The following KCNJ4 variants were observed in gnomAD, a reference collection of about 807,000 sequenced individuals.
The protein encoded by KCNJ4 is potassium inwardly rectifying channel subfamily J member 4.
In KCNJ4, 3 loss-of-function variants were observed where a neutral mutation model predicts 25.6. The ratio of observed to expected loss-of-function variants is 0.12; its 90% CI spans 0.05 to 0.30. The LOEUF is 0.30. Among genes scored for constraint, KCNJ4 ranks in the 10% least tolerant of loss-of-function variants. The pLI is 1.00. For missense variants in KCNJ4, 286 were observed against 666.8 expected (o/e 0.43, Z 6.29); for synonymous variants, 257 against 283.9 (o/e 0.91, Z 0.95).
chr22:38,429,978 A>G (rs1244225902), intron 1 of KCNJ4, among the ~76,000 whole-genome samples: 1 of 152,206 alleles, frequency 6.6e-6, no homozygotes, highest in Non-Finnish European at 1.5e-5. Context: ...AGAGATCAAC[A>G]GCCTCAGAGC....
At chr22:38,429,420 G>A (rs2093042670) in intron 1 of KCNJ4, among the ~76,000 whole-genome samples, 1 of 152,210 alleles carries the variant, frequency 6.6e-6, no homozygotes, top group South Asian at 2.1e-4. Context: ...TGAGTTGATG[G>A]CGGGGAGACA....
At chr22:38,438,032 A>T (rs2145939378) in intron 1 of KCNJ4, among the ~76,000 whole-genome samples, 1 of 152,040 alleles carries the variant, frequency 6.6e-6, no homozygotes, top group East Asian at 1.9e-4. Flanking sequence ...TGAGGTCAGG[A>T]GTTTGAGACC....
At position 38,443,254 on chromosome 22, in the gene KCNJ4, C is replaced by T. The variant is rs954867063; in HGVS notation, c.-40+11726G>A. Among the ~76,000 whole-genome samples the T allele has an allele frequency of 6.6e-6, 1 of 152,142 alleles. No homozygotes were observed. ...CCTCTGGCCTCTCCATGACCCACAC[C>T]GTGCAGTGCCCAGCTCCGCCATCCC... On this transcript the variant is annotated intron_variant, in intron 1 of 1. Coordinates refer to ENST00000303592, the MANE Select transcript of KCNJ4 (RefSeq NM_152868.3). This position sits in a 1 kb window ranked among gnomAD's most constrained non-coding sequence, Gnocchi z 4.1.
rs2093054494 is a variant in KCNJ4, at chr22:38,432,887, C to T, written c.-39-4716G>A. 4.6e-5 allele frequency among the ~76,000 whole-genome samples: 7 copies of T among 152,176 alleles called. No homozygotes were observed. In the South Asian group the frequency reaches 1.5e-3, roughly 32 times the overall value. ...TCGGGAGGCTGAGGCATGAGAATCG[C>T]TTGAACCCAGCAGGCAGAGGTTGCA... On this transcript the variant is annotated intron_variant, in intron 1 of 1. Coordinates refer to ENST00000303592, the MANE Select transcript of KCNJ4 (RefSeq NM_152868.3).
At chr22:38,428,949 T>C (rs2093040944) in intron 1 of KCNJ4, among the ~76,000 whole-genome samples, 1 of 151,808 alleles carries the variant, frequency 6.6e-6, no homozygotes, top group East Asian at 1.9e-4. Context: ...CCAGGCATGG[T>C]GGTGCATGCC....
intron 1 of KCNJ4, among the ~76,000 whole-genome samples, chr22:38,438,734 C>T (rs532908535): frequency 6.7e-6 from 1 of 150,138 alleles, no homozygotes; most frequent in Admixed American, 6.6e-5. Flanking sequence ...AAAGAATACT[C>T]CAAAAGTCTG....
intron 1 of KCNJ4, among the ~76,000 whole-genome samples, chr22:38,439,148 G>GT (rs1297005764): frequency 1.3e-5 from 2 of 152,216 alleles, no homozygotes; most frequent in African/African-American, 4.8e-5. Flanking sequence ...GGAGGCTGAG[G>GT]TGGGAGGATG....
intron 1 of KCNJ4, among the ~76,000 whole-genome samples, chr22:38,448,778 G>C (rs2089393014): frequency 6.6e-6 from 1 of 152,170 alleles, no homozygotes; most frequent in African/African-American, 2.4e-5. Context: ...GAGAGGAAAT[G>C]GAGAGAAGGC....
chr22:38,443,509 G>T lies in KCNJ4; in HGVS notation c.-40+11471C>A, dbSNP rs1165684907. On this transcript the variant is annotated intron_variant, in intron 1 of 1. Coordinates refer to ENST00000303592, the MANE Select transcript of KCNJ4 (RefSeq NM_152868.3). This position sits in a 1 kb window ranked among gnomAD's most constrained non-coding sequence, Gnocchi z 4.1. ...CTCAGTCTGTGACTCCTCCCAGGAG[G>T]TCGCTCAGGCCTGACACCTAGGCAT... Among the ~76,000 whole-genome samples the T allele has an allele frequency of 1.3e-5, 2 of 152,104 alleles. No homozygotes were observed. The highest frequency in any genetic ancestry group is 2.9e-5 in the Non-Finnish European group (2 of 68,012).
At chr22:38,442,969 C>T (rs1037313046) in intron 1 of KCNJ4, among the ~76,000 whole-genome samples, 1 of 152,158 alleles carries the variant, frequency 6.6e-6, no homozygotes. Flanking sequence ...TCTTAAACTC[C>T]TGGGCTCAAG....
In KCNJ4 at chr22:38,427,474, C is replaced by T. The variant is rs761299177; in HGVS notation, c.659G>A (p.Arg220Gln). The T allele has an allele frequency of 1.2e-6, 2 of 1,612,332 alleles. No homozygotes were observed. The highest frequency in any genetic ancestry group is 8.5e-7 in the Non-Finnish European group (1 of 1,179,008). The change falls in exon 2 of 2, where the codon CGG becomes CAG. Residue 220 changes from arginine (R) to glutamine (Q), a missense_variant. This residue lies in a region of KCNJ4 where 39 missense variants were observed against 100.9 expected (regional missense o/e 0.39). Coordinates refer to ENST00000303592, the MANE Select transcript of KCNJ4 (RefSeq NM_152868.3). ...RKSHIVEAHV[R>Q]AQLIKPYMTQ... Reference sequence around the variant, plus strand: ...CATGTAGGGCTTGATGAGCTGGGCCCGCACGTGGGCCTCCACAATGTGGCT... The same window carrying T: ...CATGTAGGGCTTGATGAGCTGGGCCTGCACGTGGGCCTCCACAATGTGGCT...
At chr22:38,452,202 GCCA>G (rs1569125539) in intron 1 of KCNJ4, among the ~76,000 whole-genome samples, 1 of 152,132 alleles carries the variant, frequency 6.6e-6, no homozygotes, top group Non-Finnish European at 1.5e-5. Flanking sequence ...CAGGAGAATC[GCCA>G]AGATCTTAAG....
At chr22:38,430,390 G>A (rs196062) in intron 1 of KCNJ4, among the ~76,000 whole-genome samples, 104,576 of 152,070 alleles carry the variant, frequency 0.69, 36,657 homozygotes, top group East Asian at 0.93. Context: ...TGTAATCCCA[G>A]CTACTGGGGG....
chr22:38,444,743 G>A (rs1483639031), intron 1 of KCNJ4, among the ~76,000 whole-genome samples: 1 of 151,484 alleles, frequency 6.6e-6, no homozygotes, highest in Non-Finnish European at 1.5e-5. Flanking sequence ...CGCCTGCCAT[G>A]GGGGGGGCCA....
intron 1 of KCNJ4, among the ~76,000 whole-genome samples, chr22:38,429,083 C>CAAAA (rs10582408): frequency 7.4e-5 from 8 of 108,726 alleles, no homozygotes; most frequent in Admixed American, 2.0e-4. Flanking sequence ...GACCCCATGT[C>CAAAA]AAAAAAAAAA....
intron 1 of KCNJ4, among the ~76,000 whole-genome samples, chr22:38,448,782 A>G (rs1240588484): frequency 6.6e-6 from 1 of 152,118 alleles, no homozygotes; most frequent in Non-Finnish European, 1.5e-5. Context: ...GGAAATGGAG[A>G]GAAGGCCAAT....
intron 1 of KCNJ4, among the ~76,000 whole-genome samples, chr22:38,438,018 C>T (rs937325348): frequency 6.6e-6 from 1 of 151,646 alleles, no homozygotes; most frequent in Admixed American, 6.6e-5. Flanking sequence ...GTGGGTGGAT[C>T]ACCTGAGGTC....
In KCNJ4 at chr22:38,428,164, C is replaced by A; in HGVS notation, c.-32G>T. ...AAGCCGGCGTGGTCACCTGGGAAGA[C>A]GCAGGGCCTGCGGAGGAGAAGCCGG... On this transcript the variant is annotated 5_prime_UTR_variant, in exon 2 of 2. Transcript: ENST00000303592. 6.3e-7 allele frequency: 1 copy of A among 1,585,102 alleles called. No individual in the cohort carries two copies. Among genetic ancestry groups the A allele is most frequent in the Non-Finnish European group, 8.6e-7 (1 of 1,164,382 alleles).
intron 1 of KCNJ4, among the ~76,000 whole-genome samples, chr22:38,433,289 A>G (rs920835137): frequency 1.3e-4 from 20 of 151,850 alleles, no homozygotes; most frequent in African/African-American, 4.8e-4. Flanking sequence ...TCTACTAAAA[A>G]TACAAAACTA....
Sources: gnomAD v4.1 joint callset for allele counts (sites outside exome capture counted in the v4.1 genomes callset) on GRCh38, gnomAD v4.1.1 for gene constraint, gnomAD v4.1.1 regional missense constraint, Gnocchi (gnomAD v3.1) non-coding constraint, MANE v1.5 for transcripts, NCBI Gene and HGNC (gene_info 2026-07-23, HGNC 2026-07-21) for gene names.